SLC12A7: variants seen among roughly 807,000 people sequenced by gnomAD.
SLC12A7 encodes solute carrier family 12 member 7.
Under a neutral mutation model 120.6 loss-of-function variants are expected in SLC12A7, and 100 were observed. The ratio of observed to expected loss-of-function variants is 0.83; its 90% CI spans 0.71 to 0.98. SLC12A7 has a LOEUF of 0.98. SLC12A7 is among the 50% of genes least tolerant of loss of function. SLC12A7 has a pLI of 0.00. For missense variants in SLC12A7, 1,373 were observed against 1,548.1 expected, an observed-to-expected ratio of 0.89 and a Z score of 1.90; for synonymous variants, 760 against 678.0, an observed-to-expected ratio of 1.12 and a Z score of -1.88.
chr5:1,152,596 A>G, the SLC12A7 span, among the ~76,000 whole-genome samples: 1 of 151,886 alleles, frequency 6.6e-6, no homozygotes, highest in Non-Finnish European at 1.5e-5. Context: ...GGAGTCCCCC[A>G]AGCTAGAGAA....
chr5:1,124,618 C>A, the SLC12A7 span, among the ~76,000 whole-genome samples: 2 of 152,132 alleles, frequency 1.3e-5, no homozygotes, highest in African/African-American at 2.4e-5. Flanking sequence ...CAGAGCCTTG[C>A]GGCGCTGGAC....
chr5:1,077,923 G>C lies in SLC12A7; in HGVS notation c.1539C>G (p.Phe513Leu). ...TCTGCAGGCCGGCACCGCAGGTGGA[G>C]AAGAAGGAGCCGATGACGATGACCC... ...SPWVIVIGSF[F>L]STCGAGLQSL... The change falls in exon 12 of 24, where the codon TTC becomes TTG. Residue 513 changes from phenylalanine (F) to leucine (L), a missense_variant. Transcript: ENST00000264930. 6.2e-7 allele frequency: 1 copy of C among 1,601,426 alleles called. No individual in the cohort carries two copies. Among genetic ancestry groups the C allele is most frequent in the Non-Finnish European group, 8.5e-7 (1 of 1,174,680 alleles).
At position 1,052,372 on chromosome 5, in the gene SLC12A7, G is replaced by A. The variant is rs201718936; in HGVS notation, c.3240C>T (p.Thr1080=). 11 of 1,612,552 alleles carry A rather than the reference G, an allele frequency of 6.8e-6. No homozygotes were observed. In the African/African-American group the frequency reaches 1.3e-4, roughly 20 times the overall value. ...ATGCTGTTGGGCATTAGGAGTAGATGGTGATCACCTCCCGGCCGCCACCCC... is the reference window on the plus strand; with the variant it reads ...ATGCTGTTGGGCATTAGGAGTAGATAGTGATCACCTCCCGGCCGCCACCCC... ...LVRGGGREVI[T]IYS is the part of the protein sequence containing the mutation. The change falls in exon 24 of 24, where the codon ACC becomes ACT. Residue 1080 remains threonine (T), a synonymous_variant. Coordinates refer to ENST00000264930, the MANE Select transcript of SLC12A7 (RefSeq NM_006598.3).
intron 17 of SLC12A7, among the ~76,000 whole-genome samples, chr5:1,069,141 C>T (rs1424808237): frequency 6.6e-6 from 1 of 152,274 alleles, no homozygotes; most frequent in African/African-American, 2.4e-5. Flanking sequence ...AAAGGGAAGG[C>T]CCAGAGCATC....
Position 1,089,164 on chromosome 5 carries a change from C to T in SLC12A7, c.343-36G>A, listed in dbSNP as rs200648251. On this transcript the variant is annotated intron_variant, in intron 3 of 23. Transcript: ENST00000264930. ...GCATAGCGTGTCCCAGGGGCTCGTA[C>T]CCCACACCCAGAGGGAGCCCCCTCC... 2.0e-5 allele frequency: 32 copies of T among 1,602,508 alleles called. 1 individual carries two copies. The South Asian group carries it at 2.1e-4, about 11-fold the overall frequency.
chr5:1,114,655 C>T (rs1434087088), upstream of SLC12A7, among the ~76,000 whole-genome samples: 4 of 152,008 alleles, frequency 2.6e-5, no homozygotes, highest in African/African-American at 9.7e-5. Flanking sequence ...TACCCGAGGC[C>T]TGGGTTGGAG....
At chr5:1,080,619 A>G (rs1051310429) in intron 9 of SLC12A7, among the ~76,000 whole-genome samples, 2 of 152,242 alleles carry the variant, frequency 1.3e-5, no homozygotes, top group African/African-American at 4.8e-5. Flanking sequence ...GGGCGTCCCG[A>G]CAAGAAGGCC....
At chr5:1,132,599 C>T in the SLC12A7 span, among the ~76,000 whole-genome samples, 19 of 152,128 alleles carry the variant, frequency 1.2e-4, no homozygotes, top group Non-Finnish European at 2.8e-4. Flanking sequence ...TTCCAGGGGG[C>T]CCTGACTCAT....
chr5:1,095,016 T>TAGGAGGTGG (rs1561094714), intron 1 of SLC12A7, among the ~76,000 whole-genome samples: 2 of 75,090 alleles, frequency 2.7e-5, no homozygotes, highest in Non-Finnish European at 4.7e-5. Flanking sequence ...CGGTAGGAGG[T>TAGGAGGTGG]GGGGGCGGTA....
rs561583617 is a variant in SLC12A7 at position 1,051,202 on chromosome 5, G to A, written c.*1158C>T. ...AAGCTATCTCTTCAGTGCCACCGCC[G>A]CCTCCATGCAAGGCACAGGCCATGG... On this transcript the variant is annotated 3_prime_UTR_variant, in exon 24 of 24. Coordinates refer to ENST00000264930, the MANE Select transcript of SLC12A7 (RefSeq NM_006598.3). The A allele has an allele frequency of 1.4e-4, 47 of 342,470 alleles. No individual in the cohort carries two copies. Among genetic ancestry groups the A allele is most frequent in the Admixed American group, 1.9e-4 (4 of 20,726 alleles). 21.2% of individuals were successfully genotyped at this position (342,470 alleles called of 1,614,324 possible).
chr5:1,111,834 C>T, intron 1 of SLC12A7, 34 bp downstream of exon 1: 1 of 1,199,140 alleles, frequency 8.3e-7, no homozygotes, highest in Non-Finnish European at 1.0e-6. Flanking sequence ...TCGGGGCGCT[C>T]GGCCTTTGTC....
chr5:1,070,401 G>A (rs1737627478), intron 17 of SLC12A7, among the ~76,000 whole-genome samples: 1 of 2,712 alleles, frequency 3.7e-4, no homozygotes, highest in African/African-American at 4.9e-4. Context: ...GCCCCAGTGA[G>A]CCCCCAGCAC....
intron 10 of SLC12A7, among the ~76,000 whole-genome samples, 192 bp from the exon 11 acceptor site, chr5:1,078,950 C>G (rs1056240053): frequency 1.3e-5 from 2 of 152,134 alleles, no homozygotes; most frequent in Non-Finnish European, 2.9e-5. Context: ...AGCGCACCCT[C>G]CTGGGGCTCT....
At chr5:1,065,214 G>A in intron 18 of SLC12A7, 69 bp downstream of exon 18, 2 of 1,157,798 alleles carry the variant, frequency 1.7e-6, no homozygotes, top group Non-Finnish European at 2.5e-6. Flanking sequence ...ACAGGGGACA[G>A]CGAGGGGACA....
chr5:1,073,349 T>C (rs1319732576), intron 17 of SLC12A7, among the ~76,000 whole-genome samples: 2 of 152,152 alleles, frequency 1.3e-5, no homozygotes, highest in Non-Finnish European at 2.9e-5. Context: ...AGCAGAACCA[T>C]GATTACGGCT....
the SLC12A7 span, among the ~76,000 whole-genome samples, chr5:1,136,797 G>A: frequency 7.8e-6 from 1 of 127,908 alleles, no homozygotes; most frequent in Admixed American, 8.1e-5. Context: ...GGACACGCAG[G>A]CACACACGTG....
At chr5:1,060,981 C>CACCCGGAACATCCACAGTGTGGG in intron 20 of SLC12A7, among the ~76,000 whole-genome samples, 2 of 152,000 alleles carry the variant, frequency 1.3e-5, no homozygotes, top group African/African-American at 4.8e-5. Flanking sequence ...TGCTGCGTCT[C>CACCCGGAACATCCACAGTGTGGG]ACCCACTGCA....
Position 1,052,459 on chromosome 5 carries a change from C to T in SLC12A7, c.3161-8G>A, listed in dbSNP as rs1225578300. 1 of 1,611,042 alleles carries T rather than the reference C, an allele frequency of 6.2e-7. No homozygotes were observed. The highest frequency in any genetic ancestry group is 1.7e-5 in the Admixed American group (1 of 60,008). On this transcript the variant is annotated splice_polypyrimidine_tract_variant and splice_region_variant and intron_variant, in intron 23 of 23. Coordinates refer to ENST00000264930, the MANE Select transcript of SLC12A7 (RefSeq NM_006598.3). ...CTTCAAGAAACTCCATGTCTGTGGTCAACAGAGTTAAGGCCACAGCTGATC... is the reference window on the plus strand; with the variant it reads ...CTTCAAGAAACTCCATGTCTGTGGTTAACAGAGTTAAGGCCACAGCTGATC...
chr5:1,083,915 A>G lies in SLC12A7; in HGVS notation c.959T>C (p.Phe320Ser), dbSNP rs919867882. 26 of 1,606,882 alleles carry G rather than the reference A, an allele frequency of 1.6e-5. No homozygotes were observed. The highest frequency in any genetic ancestry group is 2.2e-5 in the Non-Finnish European group (26 of 1,179,566). Residue 320 changes from phenylalanine (F) to serine (S), a missense_variant, in exon 8 of 24, where the codon TTC (phenylalanine) becomes TCC (serine). Physicochemically the swap from Phe to Ser is radical, Grantham distance 155. Transcript: ENST00000264930. The stretch of plus-strand genomic sequence containing the variant: ...GCCGTAGGCCTTGACGCAGGCATCG[A>G]AGCTGCGCCGTGACAGCGTGCGGTT... ...LGNRTLSRRS[F>S]DACVKAYGIH...
Sources: allele counts gnomAD v4.1 joint callset (sites outside exome capture counted in the v4.1 genomes callset), GRCh38; gene constraint gnomAD v4.1.1; transcripts MANE v1.5; gene names NCBI Gene and HGNC (gene_info 2026-07-23, HGNC 2026-07-21).